The following LRRC28 variants were observed in gnomAD, a reference collection of about 807,000 sequenced individuals.
LRRC28 encodes the protein leucine rich repeat containing 28, also known as leucine-rich repeat-containing protein 28.
Under a neutral mutation model 45.7 loss-of-function variants are expected in LRRC28, and 39 were observed. The ratio of observed to expected loss-of-function variants is 0.85; its 90% CI spans 0.66 to 1.12. LRRC28 has a LOEUF of 1.12. LRRC28 is among the 50% of genes most tolerant of loss of function. The probability of loss-of-function intolerance (pLI) is 0.00; values close to 1 mark genes in which losing one functional copy is unlikely to be tolerated. For synonymous variants in LRRC28, 206 were observed against 178.8 expected, an observed-to-expected ratio of 1.15 and a Z score of -1.22; for missense variants, 435 against 438.5, an observed-to-expected ratio of 0.99 and a Z score of 0.07.
intron 2 of LRRC28, among the ~76,000 whole-genome samples, chr15:99,262,455 G>T (rs759847496): frequency 6.6e-5 from 10 of 152,046 alleles, no homozygotes; most frequent in Non-Finnish European, 1.3e-4. Context: ...GGTGGTGCGC[G>T]TCTGTAGTCC....
intron 6 of LRRC28, among the ~76,000 whole-genome samples, chr15:99,343,180 T>TTTGA (rs1237642925): frequency 6.6e-6 from 1 of 152,220 alleles, no homozygotes; most frequent in Non-Finnish European, 1.5e-5. Flanking sequence ...AATAATTTAT[T>TTTGA]TTGATTGATT....
chr15:99,263,759 TAGG>T (rs1328192355), intron 2 of LRRC28, among the ~76,000 whole-genome samples: 1 of 152,186 alleles, frequency 6.6e-6, no homozygotes, highest in African/African-American at 2.4e-5. Context: ...GACAGGCACT[TAGG>T]AGGAAGAGCA....
chr15:99,310,330 T>C (rs1955358273), intron 5 of LRRC28, among the ~76,000 whole-genome samples: 1 of 152,242 alleles, frequency 6.6e-6, no homozygotes, highest in Non-Finnish European at 1.5e-5. Context: ...GAAGGAATGA[T>C]GGAATTTTAA....
intron 6 of LRRC28, chr15:99,338,270 A>C (rs570135903): frequency 1.3e-5 from 2 of 152,370 alleles, no homozygotes; most frequent in African/African-American, 4.8e-5. Flanking sequence ...AAAACAATTA[A>C]GTTTATACAC....
intron 6 of LRRC28, chr15:99,338,517 C>T (rs1453424053): frequency 6.6e-6 from 1 of 152,156 alleles, no homozygotes; most frequent in Non-Finnish European, 1.5e-5. Context: ...TATTAGAAGG[C>T]TCCTGTGTTC....
At chr15:99,285,657 A>G in intron 3 of LRRC28, 3 of 621,526 alleles carry the variant, frequency 4.8e-6, no homozygotes, top group Non-Finnish European at 8.8e-6. Flanking sequence ...TTCATACAGC[A>G]TCTTGATTAT....
In LRRC28 at chr15:99,361,487, C is replaced by T. The variant is rs774822044; in HGVS notation, c.847C>T (p.His283Tyr). The change falls in exon 8 of 10, where the codon CAT becomes TAT. Residue 283 changes from histidine (H) to tyrosine (Y), a missense_variant. His to Tyr is a moderately conservative substitution (Grantham distance 83, BLOSUM62 2). Transcript: ENST00000301981. ...GGAATTGGCTATGAGAGGGCTGTAT[C>T]ATACCTACCACAGCTTGCTGAAAGG... ...LQELAMRGLY[H>Y]TYHSLLKDLN... 1.9e-6 allele frequency: 3 copies of T among 1,609,694 alleles called. No homozygotes were observed. Among genetic ancestry groups the T allele is most frequent in the Middle Eastern group, 1.7e-4 (1 of 6,034 alleles).
intron 5 of LRRC28, among the ~76,000 whole-genome samples, chr15:99,321,330 T>C (rs1231671215): frequency 6.6e-6 from 1 of 152,222 alleles, no homozygotes; most frequent in East Asian, 1.9e-4. Flanking sequence ...TGTTATTGTA[T>C]AGTCTAAGTT....
chr15:99,271,114 T>C (rs770236620), intron 2 of LRRC28, among the ~76,000 whole-genome samples: 2 of 152,178 alleles, frequency 1.3e-5, no homozygotes, highest in Non-Finnish European at 2.9e-5. Context: ...AATTGAGTTG[T>C]TGTTTTGTGG....
chr15:99,388,057 A>T lies in LRRC28; in HGVS notation c.*1955A>T, dbSNP rs531985554. The T allele has an allele frequency of 6.6e-6, 1 of 152,238 alleles. No homozygotes were observed. The allele number at this position is 152,238 out of a possible 1,614,324, so 9.4% of individuals were successfully genotyped here. On this transcript the variant is annotated 3_prime_UTR_variant, in exon 10 of 10. Transcript: ENST00000301981. ...TTCAGCCTTAACATTTCAAAGGCTT[A>T]TAGTAAAATAGGAACTGAAGATCTG... is the stretch of plus-strand genomic sequence containing the variant.
intron 6 of LRRC28, among the ~76,000 whole-genome samples, chr15:99,350,319 G>A (rs1597402400): frequency 3.9e-5 from 6 of 152,078 alleles, no homozygotes; most frequent in Admixed American, 3.9e-4. Flanking sequence ...GGAAATTGTG[G>A]TTCCTTTTTG....
At chr15:99,297,576 C>G (rs12912927) in intron 5 of LRRC28, among the ~76,000 whole-genome samples, 1 of 151,360 alleles carries the variant, frequency 6.6e-6, no homozygotes, top group East Asian at 1.9e-4. Flanking sequence ...AATGACTTTC[C>G]TAGACCTAAA....
chr15:99,319,307 A>G (rs1955710124), intron 5 of LRRC28, among the ~76,000 whole-genome samples: 1 of 152,162 alleles, frequency 6.6e-6, no homozygotes, highest in African/African-American at 2.4e-5. Context: ...CTAAAATAAA[A>G]CATAAAATGA....
intron 9 of LRRC28, among the ~76,000 whole-genome samples, chr15:99,383,345 A>C (rs1414568548): frequency 1.3e-5 from 2 of 152,176 alleles, no homozygotes; most frequent in Non-Finnish European, 2.9e-5. Context: ...CTCAAGTCCC[A>C]CTGTCCCTAG....
rs779779207 is a variant in LRRC28 at position 99,386,142 on chromosome 15, C to T, written c.*40C>T. 1 of 1,511,572 alleles carries T rather than the reference C, an allele frequency of 6.6e-7. No individual in the cohort carries two copies. The highest frequency in any genetic ancestry group is 1.4e-5 in the African/African-American group (1 of 72,950). 93.6% of individuals were successfully genotyped at this position (1,511,572 alleles called of 1,614,324 possible). ...CCTCAGGAGCGCTGCCAGCTTGACA[C>T]TGGGGAATCCAGCCAGTCCAGCACA... On this transcript the variant is annotated 3_prime_UTR_variant, in exon 10 of 10. Transcript: ENST00000301981.
At chr15:99,330,536 G>A (rs981798614) in intron 5 of LRRC28, among the ~76,000 whole-genome samples, 3 of 151,938 alleles carry the variant, frequency 2.0e-5, no homozygotes, top group African/African-American at 7.3e-5. Context: ...TTTCTGATAT[G>A]AATATAGCTG....
At chr15:99,361,313 T>C (rs539252656) in intron 7 of LRRC28, 23 bp from the exon 8 acceptor site, 2 of 1,599,484 alleles carry the variant, frequency 1.3e-6, no homozygotes, top group East Asian at 4.5e-5. Flanking sequence ...CTAATAATAC[T>C]GTGAATGTGT....
exon 10 of LRRC28, chr15:99,390,727 GAAC>G (rs1053172707): frequency 2.0e-5 from 3 of 152,166 alleles, no homozygotes; most frequent in African/African-American, 7.2e-5. Context: ...ATCTCGATAC[GAAC>G]AACGAGTTTT....
intron 2 of LRRC28, chr15:99,259,010 C>A: frequency 1.3e-6 from 1 of 787,850 alleles, no homozygotes; most frequent in South Asian, 1.3e-5. Context: ...GAAACTTGTT[C>A]ATAAAACTCT....
Sources: allele counts gnomAD v4.1 joint callset (sites outside exome capture counted in the v4.1 genomes callset), GRCh38; gene constraint gnomAD v4.1.1; transcripts MANE v1.5; gene names NCBI Gene and HGNC (gene_info 2026-07-23, HGNC 2026-07-21).